Variants in GALK2 observed in about 807,000 individuals in gnomAD.
GALK2 encodes galactokinase 2.
A neutral mutation model predicts 52.4 loss-of-function variants in GALK2; 36 were observed. The observed-to-expected ratio is 0.69, with a 90% CI of 0.53 to 0.91. The LOEUF (loss-of-function observed/expected upper bound fraction) is 0.91, where lower values mean the gene tolerates loss of function less well. Ranked by LOEUF, GALK2 falls within the 40% of genes least tolerant of loss-of-function variation. The pLI, the probability that GALK2 is intolerant of heterozygous loss-of-function variation, is 0.00. For missense variants in GALK2, 579 were observed against 559.1 expected (o/e 1.04, Z -0.36); for synonymous variants, 176 against 199.1 (o/e 0.88, Z 0.98).
At chr15:49,304,761 A>C (rs577880845) in intron 8 of GALK2, among the ~76,000 whole-genome samples, 1 of 152,368 alleles carries the variant, frequency 6.6e-6, no homozygotes, top group Non-Finnish European at 1.5e-5. Flanking sequence ...CTCATATACA[A>C]ATACGAAGTT....
At chr15:49,286,696 A>T (rs2033398419) in intron 7 of GALK2, among the ~76,000 whole-genome samples, 1 of 152,202 alleles carries the variant, frequency 6.6e-6, no homozygotes, top group Admixed American at 6.5e-5. Flanking sequence ...GCAGAGAAAC[A>T]GTTCTGTAAA....
intron 2 of GALK2, among the ~76,000 whole-genome samples, chr15:49,213,891 G>A (rs2141367249): frequency 6.6e-6 from 1 of 152,230 alleles, no homozygotes; most frequent in African/African-American, 2.4e-5. Flanking sequence ...GTGGAGGCGG[G>A]TGGATCATGG....
At chr15:49,201,715 T>C (rs546441103) in intron 2 of GALK2, among the ~76,000 whole-genome samples, 1 of 152,344 alleles carries the variant, frequency 6.6e-6, no homozygotes, top group South Asian at 2.1e-4. Flanking sequence ...TACTACCTTT[T>C]AGTGGTAAAT....
chr15:49,367,692 C>T, exon 4 of GALK2: 1 of 1,222,978 alleles, frequency 8.2e-7, no homozygotes, highest in Non-Finnish European at 1.1e-6. Context: ...TCATATTTAG[C>T]ATAAAGTTAC....
chr15:49,182,966 T>C (rs1032741292), intron 1 of GALK2, among the ~76,000 whole-genome samples: 2 of 152,202 alleles, frequency 1.3e-5, no homozygotes, highest in Non-Finnish European at 2.9e-5. Context: ...TTTCCTTTGC[T>C]GTGCAGAAGC....
chr15:49,273,774 A>T (rs937882253), intron 5 of GALK2, among the ~76,000 whole-genome samples: 4 of 152,178 alleles, frequency 2.6e-5, no homozygotes, highest in African/African-American at 9.7e-5. Context: ...AAATTTTGAA[A>T]GTTAGGGTGG....
At chr15:49,219,266 C>G (rs1414424930) in intron 3 of GALK2, among the ~76,000 whole-genome samples, 1 of 152,152 alleles carries the variant, frequency 6.6e-6, no homozygotes, top group African/African-American at 2.4e-5. Flanking sequence ...CCATGCTGTT[C>G]TTGTGATAAT....
intron 3 of GALK2, among the ~76,000 whole-genome samples, chr15:49,337,642 A>T (rs905669712): frequency 1.3e-5 from 2 of 150,172 alleles, no homozygotes; most frequent in African/African-American, 4.9e-5. Context: ...TGTCATCTAC[A>T]TTAGGTATTT....
At chr15:49,178,342 G>GTACATGTATATCATGTA (rs2085680803) in intron 1 of GALK2, 1 of 140,018 alleles carries the variant, frequency 7.1e-6, no homozygotes, top group Admixed American at 7.5e-5. Flanking sequence ...TATACATGAT[G>GTACATGTATATCATGTA]TACATGTATA....
At chr15:49,362,066 G>A (rs2044335994) in intron 3 of GALK2, among the ~76,000 whole-genome samples, 1 of 152,106 alleles carries the variant, frequency 6.6e-6, no homozygotes. Context: ...GTTCATTCAT[G>A]TCTTTTGCCC....
chr15:49,163,392 C>G (rs2084717746), intron 1 of GALK2, among the ~76,000 whole-genome samples: 1 of 152,030 alleles, frequency 6.6e-6, no homozygotes, highest in Non-Finnish European at 1.5e-5. Context: ...TTGTATTCAT[C>G]TTTGTCATAC....
Position 49,329,913 on chromosome 15 carries a change from CTCT to C in GALK2, c.*1759_*1761del. On this transcript the variant is annotated 3_prime_UTR_variant, in exon 10 of 10. Coordinates refer to ENST00000560031, the MANE Select transcript of GALK2 (RefSeq NM_002044.4). ...GGTGAGTAAAAATTTCCAATGTGCA[CTCT>C]TCTTTGGGGGACACACATGGTCATT... is the stretch of plus-strand genomic sequence containing the variant. The C allele has an allele frequency of 8.3e-6, 2 of 240,436 alleles. No individual in the cohort carries two copies. Among genetic ancestry groups the C allele is most frequent in the Non-Finnish European group, 1.3e-5 (2 of 149,184 alleles). 14.9% of individuals were successfully genotyped at this position (240,436 alleles called of 1,614,324 possible).
chr15:49,306,166 GCTCCAGTACCTAC>G (rs1427409282), intron 8 of GALK2, among the ~76,000 whole-genome samples: 1 of 151,668 alleles, frequency 6.6e-6, no homozygotes, highest in Admixed American at 6.6e-5. Context: ...TTCCTGTTCT[GCTCCAGTACCTAC>G]CTTCCAAAAG....
At chr15:49,305,940 T>G (rs1331851747) in intron 8 of GALK2, among the ~76,000 whole-genome samples, 1 of 152,234 alleles carries the variant, frequency 6.6e-6, no homozygotes, top group Non-Finnish European at 1.5e-5. Context: ...ATTTATTCTT[T>G]CAGGGTATTG....
chr15:49,345,943 G>A (rs963261713), intron 3 of GALK2, among the ~76,000 whole-genome samples: 1 of 152,102 alleles, frequency 6.6e-6, no homozygotes, highest in East Asian at 1.9e-4. Flanking sequence ...ATGGCCCAGG[G>A]GCAAATTTCG....
At chr15:49,360,483 G>T (rs1410367764) in intron 3 of GALK2, among the ~76,000 whole-genome samples, 2 of 152,022 alleles carry the variant, frequency 1.3e-5, no homozygotes, top group African/African-American at 2.4e-5. Flanking sequence ...TTTGCATTTT[G>T]CATGTTAAAA....
intron 8 of GALK2, among the ~76,000 whole-genome samples, chr15:49,314,374 G>T (rs2036238223): frequency 6.6e-6 from 1 of 151,968 alleles, no homozygotes; most frequent in Admixed American, 6.6e-5. Flanking sequence ...TGAATATTAG[G>T]GTATACTTTG....
At chr15:49,178,319 A>G (rs2085674716) in intron 1 of GALK2, 1 of 132,530 alleles carries the variant, frequency 7.5e-6, no homozygotes, top group Non-Finnish European at 1.7e-5. Context: ...ATGCACATAT[A>G]TGTATGTACA....
At chr15:49,305,508 C>G (rs2035476926) in intron 8 of GALK2, among the ~76,000 whole-genome samples, 1 of 152,094 alleles carries the variant, frequency 6.6e-6, no homozygotes, top group Admixed American at 6.5e-5. Flanking sequence ...ATTGGGAAAC[C>G]CTTATTCTGT....
Sources: gnomAD v4.1 joint callset for allele counts (sites outside exome capture counted in the v4.1 genomes callset) on GRCh38, gnomAD v4.1.1 for gene constraint, MANE v1.5 for transcripts, NCBI Gene and HGNC (gene_info 2026-07-23, HGNC 2026-07-21) for gene names.